The following AGAP1 variants were observed in gnomAD, a reference collection of about 807,000 sequenced individuals.
AGAP1 encodes the protein ArfGAP with GTPase domain, ankyrin repeat and PH domain 1.
Under a neutral mutation model 105.3 loss-of-function variants are expected in AGAP1, and 29 were observed. The ratio of observed to expected loss-of-function variants is 0.28; its 90% CI spans 0.21 to 0.38. The LOEUF (loss-of-function observed/expected upper bound fraction) is 0.38, where lower values mean the gene tolerates loss of function less well. Ranked by LOEUF, AGAP1 falls within the 10% of genes least tolerant of loss-of-function variation. AGAP1 has a pLI of 1.00. For missense variants in AGAP1, 998 were observed against 1,165.1 expected (o/e 0.86, Z 2.09); for synonymous variants, 509 against 485.9 (o/e 1.05, Z -0.63).
chr2:235,834,720 T>C (rs894221903), intron 9 of AGAP1, among the ~76,000 whole-genome samples: 1 of 152,088 alleles, frequency 6.6e-6, no homozygotes, highest in Non-Finnish European at 1.5e-5. Flanking sequence ...GCCATTTAAA[T>C]AAAAGGTCAG....
intron 6 of AGAP1, among the ~76,000 whole-genome samples, chr2:235,776,262 G>A (rs1452172240): frequency 6.6e-6 from 1 of 152,118 alleles, no homozygotes; most frequent in African/African-American, 2.4e-5. Flanking sequence ...GCCTCGCAGG[G>A]GTGGTCAGGA....
At chr2:235,647,299 CTTGAGGGTA>C (rs1947424836) in intron 1 of AGAP1, among the ~76,000 whole-genome samples, 1 of 73,588 alleles carries the variant, frequency 1.4e-5, no homozygotes, top group Non-Finnish European at 2.9e-5. Context: ...AAAGTATTTA[CTTGAGGGTA>C]CCCATGTAGC....
At chr2:235,809,941 A>G (rs1019044314) in intron 9 of AGAP1, among the ~76,000 whole-genome samples, 1 of 152,198 alleles carries the variant, frequency 6.6e-6, no homozygotes, top group African/African-American at 2.4e-5. Flanking sequence ...CAGTTATGGT[A>G]GCTGTGTTCT....
At chr2:235,636,182 T>C (rs918056340) in intron 1 of AGAP1, among the ~76,000 whole-genome samples, 9 of 151,964 alleles carry the variant, frequency 5.9e-5, no homozygotes, top group African/African-American at 1.9e-4. Flanking sequence ...CAAAAGATTC[T>C]AAAGAGAAAG....
At chr2:235,515,519 G>A (rs1388113265) in intron 1 of AGAP1, among the ~76,000 whole-genome samples, 1 of 152,228 alleles carries the variant, frequency 6.6e-6, no homozygotes, top group Non-Finnish European at 1.5e-5. Flanking sequence ...CTGGAATGGG[G>A]AAGGGCCTCG....
At chr2:235,846,356 C>T (rs1271682259) in intron 9 of AGAP1, among the ~76,000 whole-genome samples, 3 of 152,174 alleles carry the variant, frequency 2.0e-5, no homozygotes, top group Admixed American at 1.3e-4. Context: ...CAGAATCTCA[C>T]TCTGTCACCC....
chr2:235,674,562 C>T (rs1352502903), intron 1 of AGAP1, among the ~76,000 whole-genome samples: 2 of 152,186 alleles, frequency 1.3e-5, no homozygotes, highest in Non-Finnish European at 2.9e-5. Context: ...TTCATTGATA[C>T]CTCTTACTGA....
intron 7 of AGAP1, among the ~76,000 whole-genome samples, chr2:235,798,627 C>G (rs893482321): frequency 2.6e-5 from 4 of 152,106 alleles, no homozygotes; most frequent in Admixed American, 2.6e-4. Context: ...CCTGTAATCC[C>G]AGCACTTTGG....
Position 235,608,404 on chromosome 2 carries a change from G to A in AGAP1, c.164-100775G>A, listed in dbSNP as rs1197813348. On this transcript the variant is annotated intron_variant, in intron 1 of 17. Coordinates refer to ENST00000304032, the MANE Select transcript of AGAP1 (RefSeq NM_001037131.3). This position sits in a 1 kb window ranked among gnomAD's most constrained non-coding sequence, Gnocchi z 5.4. ...AGAGGGCTTGGCTGGGATTCTGTGG[G>A]ATGGGGCCTTCAGGAGGTGGAGCCG... Among the ~76,000 whole-genome samples the A allele has an allele frequency of 6.6e-6, 1 of 152,220 alleles. No individual in the cohort carries two copies. Among genetic ancestry groups the A allele is most frequent in the African/African-American group, 2.4e-5 (1 of 41,456 alleles).
Position 235,664,831 on chromosome 2 carries a change from G to A in AGAP1, c.164-44348G>A, listed in dbSNP as rs1559324242. Reference sequence around the variant, plus strand: ...TTCCCATTCTCAGAGGATAAAGTACGTGTGAGTGATGCCACCTCAACCCTT... The same window carrying A: ...TTCCCATTCTCAGAGGATAAAGTACATGTGAGTGATGCCACCTCAACCCTT... On this transcript the variant is annotated intron_variant, in intron 1 of 17. Coordinates refer to ENST00000304032, the MANE Select transcript of AGAP1 (RefSeq NM_001037131.3). The surrounding 1 kb of genome is among the most constrained non-coding windows in gnomAD (Gnocchi z 5.7). 6.6e-6 allele frequency among the ~76,000 whole-genome samples: 1 copy of A among 152,140 alleles called. No homozygotes were observed. Among genetic ancestry groups the A allele is most frequent in the African/African-American group, 2.4e-5 (1 of 41,426 alleles).
At position 235,988,087 on chromosome 2, in the gene AGAP1, G is replaced by A. The variant is rs2055397934; in HGVS notation, c.1645+19464G>A. ...AACAAGAGTCTCACTCTGTTGCCCA[G>A]GCTGGAGTGTGGTGGCATGATCTCG... On this transcript the variant is annotated intron_variant, in intron 13 of 17. Coordinates refer to ENST00000304032, the MANE Select transcript of AGAP1 (RefSeq NM_001037131.3). This position sits in a 1 kb window ranked among gnomAD's most constrained non-coding sequence, Gnocchi z 4.7. Among the ~76,000 whole-genome samples the A allele has an allele frequency of 6.6e-6, 1 of 152,202 alleles. No individual in the cohort carries two copies.
At chr2:235,805,575 CTG>C (rs1261827471) in intron 8 of AGAP1, among the ~76,000 whole-genome samples, 1 of 152,068 alleles carries the variant, frequency 6.6e-6, no homozygotes, top group African/African-American at 2.4e-5. Flanking sequence ...AATGTTATCA[CTG>C]TGTGCTTTGA....
In AGAP1 at chr2:235,874,993, C is replaced by T. The variant is rs77933520; in HGVS notation, c.1051-8352C>T. 2.0e-4 allele frequency among the ~76,000 whole-genome samples: 31 copies of T among 152,236 alleles called. 2 individuals are homozygous for T. In the East Asian group the frequency reaches 3.3e-3, roughly 16 times the overall value. ...GCAAACTAGAAACAGCTCTCCCAAACGTGGGCAAAAAAAGAAACTAGAACT... is the reference window on the plus strand; with the variant it reads ...GCAAACTAGAAACAGCTCTCCCAAATGTGGGCAAAAAAAGAAACTAGAACT... On this transcript the variant is annotated intron_variant, in intron 9 of 17. Coordinates refer to ENST00000304032, the MANE Select transcript of AGAP1 (RefSeq NM_001037131.3). This position sits in a 1 kb window ranked among gnomAD's most constrained non-coding sequence, Gnocchi z 4.5.
rs1386365662 is a variant in AGAP1, at chr2:236,012,093, G to C, written c.1646-24468G>C. 1.3e-5 allele frequency among the ~76,000 whole-genome samples: 2 copies of C among 152,100 alleles called. No individual in the cohort carries two copies. Among genetic ancestry groups the C allele is most frequent in the African/African-American group, 4.8e-5 (2 of 41,420 alleles). The stretch of plus-strand genomic sequence containing the variant: ...GGTATCAGCTAGAAAACATCCATTT[G>C]TTTAAGGGGAAGAAACAGGCACGAC... On this transcript the variant is annotated intron_variant, in intron 13 of 17. Coordinates refer to ENST00000304032, the MANE Select transcript of AGAP1 (RefSeq NM_001037131.3). The surrounding 1 kb of genome is among the most constrained non-coding windows in gnomAD (Gnocchi z 4.9).
chr2:235,746,195 G>T (rs922708653), intron 5 of AGAP1, among the ~76,000 whole-genome samples: 5 of 151,352 alleles, frequency 3.3e-5, no homozygotes, highest in African/African-American at 1.2e-4. Context: ...TGAGGCAGGA[G>T]AATCTTTTGA....
At chr2:235,760,210 C>T (rs866096099) in intron 6 of AGAP1, among the ~76,000 whole-genome samples, 1 of 152,140 alleles carries the variant, frequency 6.6e-6, no homozygotes, top group Non-Finnish European at 1.5e-5. Context: ...CCGAAACCCC[C>T]CTCTCTAAAA....
At chr2:235,526,519 T>C (rs1467160285) in intron 1 of AGAP1, among the ~76,000 whole-genome samples, 1 of 152,246 alleles carries the variant, frequency 6.6e-6, no homozygotes, top group Non-Finnish European at 1.5e-5. Flanking sequence ...TTTGAAATTA[T>C]AGACTATCCC....
rs6724000 is a variant in AGAP1, at chr2:236,062,166, G to A, written c.2114+12885G>A. Among the ~76,000 whole-genome samples the A allele has an allele frequency of 1.3e-5, 2 of 152,298 alleles. No homozygotes were observed. Among genetic ancestry groups the A allele is most frequent in the South Asian group, 2.1e-4 (1 of 4,830 alleles). On this transcript the variant is annotated intron_variant, in intron 16 of 17. Coordinates refer to ENST00000304032, the MANE Select transcript of AGAP1 (RefSeq NM_001037131.3). The surrounding 1 kb of genome is among the most constrained non-coding windows in gnomAD (Gnocchi z 4.2). ...GGGGAGCAAGTGAGCCTGAATCAGC[G>A]ATCATCACCACCAGATACTGGGAGT... is the stretch of plus-strand genomic sequence containing the variant.
chr2:236,031,640 A>G (rs1487519987), intron 13 of AGAP1, among the ~76,000 whole-genome samples: 2 of 151,920 alleles, frequency 1.3e-5, no homozygotes. Context: ...AGGGCCTGAA[A>G]CCCCCAGGGA....
Sources: allele counts gnomAD v4.1 joint callset (sites outside exome capture counted in the v4.1 genomes callset), GRCh38; gene constraint gnomAD v4.1.1; non-coding constraint Gnocchi (gnomAD v3.1); transcripts MANE v1.5; gene names NCBI Gene and HGNC (gene_info 2026-07-23, HGNC 2026-07-21).